The following CWC27 variants were observed in gnomAD, a reference collection of about 807,000 sequenced individuals.
CWC27 encodes spliceosome-associated protein CWC27 homolog.
A neutral mutation model predicts 63.6 loss-of-function variants in CWC27; 47 were observed. That is an observed-to-expected ratio of 0.74 (90% confidence interval 0.58 to 0.94). The LOEUF is 0.94. CWC27 is among the 40% of genes least tolerant of loss of function. The pLI is 0.00. For missense variants in CWC27, 495 were observed against 554.3 expected (o/e 0.89, Z 1.07); for synonymous variants, 175 against 179.8 (o/e 0.97, Z 0.22).
At chr5:64,859,743 T>C (rs1027970759) in intron 10 of CWC27, among the ~76,000 whole-genome samples, 1 of 152,216 alleles carries the variant, frequency 6.6e-6, no homozygotes, top group Non-Finnish European at 1.5e-5. Flanking sequence ...CAGAATCAGA[T>C]GATTTCTTAA....
At chr5:64,966,968 A>T (rs1480240245) in intron 11 of CWC27, among the ~76,000 whole-genome samples, 1 of 152,180 alleles carries the variant, frequency 6.6e-6, no homozygotes, top group South Asian at 2.1e-4. Flanking sequence ...GTGAGTCTTG[A>T]TGTGAGAATT....
intron 10 of CWC27, among the ~76,000 whole-genome samples, chr5:64,859,330 A>G (rs543424762): frequency 1.3e-5 from 2 of 152,268 alleles, no homozygotes; most frequent in South Asian, 4.1e-4. Flanking sequence ...ATGAGATGAC[A>G]AAAAAACATT....
chr5:64,919,080 A>G (rs1029813974), intron 11 of CWC27, among the ~76,000 whole-genome samples: 2 of 152,196 alleles, frequency 1.3e-5, no homozygotes, highest in African/African-American at 4.8e-5. Flanking sequence ...TTATTATGTG[A>G]TTTCCATATA....
chr5:64,840,756 T>C (rs1745812099), intron 10 of CWC27, among the ~76,000 whole-genome samples: 1 of 152,076 alleles, frequency 6.6e-6, no homozygotes, highest in Non-Finnish European at 1.5e-5. Flanking sequence ...TTGGCCTAAA[T>C]ATGAACAGTG....
chr5:64,779,449 A>G (rs889651590), intron 2 of CWC27, among the ~76,000 whole-genome samples: 3 of 152,320 alleles, frequency 2.0e-5, no homozygotes, highest in African/African-American at 7.2e-5. Flanking sequence ...GTGCTTACCT[A>G]ATGTAAGTAC....
At chr5:64,921,034 C>T (rs982259019) in intron 11 of CWC27, among the ~76,000 whole-genome samples, 3 of 152,052 alleles carry the variant, frequency 2.0e-5, no homozygotes, top group South Asian at 4.2e-4. Context: ...TACAATGTTA[C>T]GTTATGAATT....
chr5:64,868,375 A>G (rs1746582056), intron 10 of CWC27, among the ~76,000 whole-genome samples: 1 of 152,102 alleles, frequency 6.6e-6, no homozygotes, highest in Non-Finnish European at 1.5e-5. Context: ...GTTTCCAATG[A>G]TAAATATTGA....
At chr5:64,878,058 A>G (rs1260208607) in intron 10 of CWC27, among the ~76,000 whole-genome samples, 1 of 151,964 alleles carries the variant, frequency 6.6e-6, no homozygotes, top group Non-Finnish European at 1.5e-5. Flanking sequence ...AATTTTGATT[A>G]TGCATTTTAG....
At chr5:64,991,583 A>G (rs1349197109) in intron 13 of CWC27, among the ~76,000 whole-genome samples, 1 of 151,944 alleles carries the variant, frequency 6.6e-6, no homozygotes, top group Non-Finnish European at 1.5e-5. Flanking sequence ...AAAATTAGCT[A>G]GGTGTGGTGG....
chr5:64,853,887 A>G (rs748491681), intron 10 of CWC27, among the ~76,000 whole-genome samples: 4 of 152,244 alleles, frequency 2.6e-5, no homozygotes, highest in Non-Finnish European at 5.9e-5. Context: ...CATGTTAGGT[A>G]TATTCACATT....
intron 10 of CWC27, among the ~76,000 whole-genome samples, chr5:64,855,448 A>G (rs77638267): frequency 0.018 from 2,674 of 152,244 alleles, 45 homozygotes; most frequent in African/African-American, 0.05. Context: ...AGTGAGTTCT[A>G]TGTTTAAAAT....
intron 5 of CWC27, 53 bp downstream of exon 5, chr5:64,785,632 A>G (rs1561405373): frequency 8.9e-7 from 1 of 1,121,366 alleles, no homozygotes; most frequent in South Asian, 1.3e-5. Flanking sequence ...TTTAAGAGGA[A>G]TTGATTCTTA....
chr5:64,999,454 G>GTT (rs1269793269), intron 13 of CWC27, among the ~76,000 whole-genome samples: 1 of 151,982 alleles, frequency 6.6e-6, no homozygotes, highest in African/African-American at 2.4e-5. Context: ...CTAACGGTAT[G>GTT]TTTGTATCCA....
intron 11 of CWC27, among the ~76,000 whole-genome samples, chr5:64,916,282 A>G (rs1165456195): frequency 6.6e-6 from 1 of 152,206 alleles, no homozygotes; most frequent in Non-Finnish European, 1.5e-5. Flanking sequence ...GCATTACAGA[A>G]TACCAGTTTT....
chr5:64,948,404 A>C (rs1748634691), intron 11 of CWC27, among the ~76,000 whole-genome samples: 1 of 151,952 alleles, frequency 6.6e-6, no homozygotes, highest in East Asian at 1.9e-4. Context: ...TTTATGGCTC[A>C]ACCTTATATA....
At chr5:64,787,851 T>C (rs1017303562) in intron 6 of CWC27, among the ~76,000 whole-genome samples, 6 of 152,278 alleles carry the variant, frequency 3.9e-5, no homozygotes, top group South Asian at 4.1e-4. Context: ...TTGATTAAAC[T>C]TTCTAAGCTT....
intron 11 of CWC27, among the ~76,000 whole-genome samples, chr5:64,893,378 A>C (rs1170899326): frequency 3.3e-5 from 5 of 152,242 alleles, no homozygotes; most frequent in Non-Finnish European, 5.9e-5. Flanking sequence ...TTCTTTTCAC[A>C]ACTTTATAGT....
At chr5:64,885,412 A>G in intron 10 of CWC27, 31 bp from the exon 11 acceptor site, 1 of 1,456,092 alleles carries the variant, frequency 6.9e-7, no homozygotes, top group Non-Finnish European at 9.3e-7. Context: ...TCAATATATT[A>G]TATACTTATA....
At chr5:64,941,157 C>T (rs1340808396) in intron 11 of CWC27, among the ~76,000 whole-genome samples, 2 of 152,086 alleles carry the variant, frequency 1.3e-5, no homozygotes, top group Non-Finnish European at 1.5e-5. Context: ...ACAAGCTGTT[C>T]TAGGTTTATA....
Sources: gnomAD v4.1 joint callset for allele counts (sites outside exome capture counted in the v4.1 genomes callset) on GRCh38, gnomAD v4.1.1 for gene constraint, MANE v1.5 for transcripts, NCBI Gene and HGNC (gene_info 2026-07-23, HGNC 2026-07-21) for gene names.